Variants in ELAPOR1 observed in about 807,000 individuals in gnomAD.
ELAPOR1 encodes the protein endosome-lysosome associated apoptosis and autophagy regulator 1, also known as endosome/lysosome-associated apoptosis and autophagy regulator 1.
Under a neutral mutation model 119.7 loss-of-function variants are expected in ELAPOR1, and 77 were observed. The observed-to-expected ratio is 0.64, with a 90% CI of 0.54 to 0.78. ELAPOR1 has a LOEUF of 0.78. ELAPOR1 is among the 30% of genes least tolerant of loss of function. The probability of loss-of-function intolerance (pLI) is 0.00; values close to 1 mark genes in which losing one functional copy is unlikely to be tolerated. For synonymous variants in ELAPOR1, 481 were observed against 487.2 expected, an observed-to-expected ratio of 0.99 and a Z score of 0.17; for missense variants, 1,115 against 1,270.4, an observed-to-expected ratio of 0.88 and a Z score of 1.86.
intron 7 of ELAPOR1, among the ~76,000 whole-genome samples, chr1:109,183,206 G>A (rs1432136555): frequency 1.3e-5 from 2 of 151,910 alleles, no homozygotes; most frequent in East Asian, 3.9e-4. Context: ...TAAAGAGAGA[G>A]TCAAGCACAA....
intron 1 of ELAPOR1, among the ~76,000 whole-genome samples, chr1:109,149,847 G>T (rs561854771): frequency 6.6e-6 from 1 of 152,204 alleles, no homozygotes; most frequent in African/African-American, 2.4e-5. Flanking sequence ...TGAGAGGGGG[G>T]AGCCAATTGC....
chr1:109,192,808 G>A lies in ELAPOR1; in HGVS notation c.1881G>A (p.Leu627=), dbSNP rs1238797154. 1 of 1,614,064 alleles carries A rather than the reference G, an allele frequency of 6.2e-7. No homozygotes were observed. The highest frequency in any genetic ancestry group is 8.5e-7 in the Non-Finnish European group (1 of 1,180,022). The part of the protein sequence containing the change: ...TCHSCPTNTI[L]KAHQPYGVQA... ...ACTCCTGCCCCACTAACACAATTCT[G>A]AAAGCCCACCAGCCTTATGGTGTCC... Residue 627 remains leucine, a synonymous_variant, in exon 14 of 22, where the codon CTG becomes CTA. Coordinates refer to ENST00000369939, the MANE Select transcript of ELAPOR1 (RefSeq NM_020775.5).
At chr1:109,156,202 A>C (rs560286101) in intron 1 of ELAPOR1, among the ~76,000 whole-genome samples, 1 of 152,126 alleles carries the variant, frequency 6.6e-6, no homozygotes, top group Admixed American at 6.5e-5. Flanking sequence ...GATATTTCTC[A>C]AATTTAGACT....
intron 8 of ELAPOR1, among the ~76,000 whole-genome samples, chr1:109,185,842 G>T (rs993381321): frequency 2.6e-5 from 4 of 152,152 alleles, no homozygotes; most frequent in African/African-American, 7.2e-5. Context: ...TGGGGTGGGG[G>T]CAGCAGAGAA....
chr1:109,201,219 CT>C, intron 21 of ELAPOR1: 6 of 472,274 alleles, frequency 1.3e-5, no homozygotes, highest in Non-Finnish European at 1.6e-5. Context: ...TCCCCTACTC[CT>C]TTTTTTATTT....
In ELAPOR1 at chr1:109,173,765, C is replaced by A. The variant is rs140343221; in HGVS notation, c.880C>A (p.Leu294Ile). ...ADKQGSSFCK[L>I]CPANSYSNKG... ...CAAGCAGGGCTCCTCTTTCTGCAAACTTTGCCCAGCCAACTCTTATTCAAA... is the reference window on the plus strand; with the variant it reads ...CAAGCAGGGCTCCTCTTTCTGCAAAATTTGCCCAGCCAACTCTTATTCAAA... Residue 294 changes from leucine to isoleucine, a missense_variant, in exon 7 of 22, where the codon CTT becomes ATT. Transcript: ENST00000369939. 1 of 1,614,178 alleles carries A rather than the reference C, an allele frequency of 6.2e-7. No individual in the cohort carries two copies. Among genetic ancestry groups the A allele is most frequent in the Non-Finnish European group, 8.5e-7 (1 of 1,180,028 alleles).
At position 109,172,528 on chromosome 1, in the gene ELAPOR1, G is replaced by C. The variant is rs779424292; in HGVS notation, c.656G>C (p.Arg219Thr). The C allele has an allele frequency of 2.5e-6, 4 of 1,613,740 alleles. No homozygotes were observed. Among genetic ancestry groups the C allele is most frequent in the Non-Finnish European group, 3.4e-6 (4 of 1,179,840 alleles). The stretch of plus-strand genomic sequence containing the variant: ...TGCCAGCCCAATGCAGATGACTCCA[G>C]GTGGATGAAGACCACAGAGAAAGGA... ...DQCQPNADDS[R>T]WMKTTEKGWE... Residue 219 changes from arginine to threonine, a missense_variant, in exon 5 of 22, where the codon AGG becomes ACG. Coordinates refer to ENST00000369939, the MANE Select transcript of ELAPOR1 (RefSeq NM_020775.5).
intron 14 of ELAPOR1, among the ~76,000 whole-genome samples, chr1:109,194,205 T>C (rs1011932944): frequency 1.3e-5 from 2 of 152,178 alleles, no homozygotes; most frequent in Admixed American, 1.3e-4. Context: ...CAGATTTAGG[T>C]TTGTCCATCA....
rs1260039973 is a variant in ELAPOR1 at position 109,200,124 on chromosome 1, A to G, written c.2694A>G (p.Arg898=). The G allele has an allele frequency of 3.7e-6, 6 of 1,614,104 alleles. No homozygotes were observed. The African/African-American group carries it at 6.7e-5, about 18-fold the overall frequency. The part of the protein sequence containing the change: ...CSGGISLPEQ[R]VTICKTIDFW... Reference sequence around the variant, plus strand: ...GTGGCATTTCTCTGCCTGAGCAGAGAGTCACCATCTGCAAAACCATAGATT... The same window carrying G: ...GTGGCATTTCTCTGCCTGAGCAGAGGGTCACCATCTGCAAAACCATAGATT... Residue 898 remains arginine (R), a synonymous_variant, in exon 20 of 22, where the codon AGA becomes AGG. Coordinates refer to ENST00000369939, the MANE Select transcript of ELAPOR1 (RefSeq NM_020775.5).
chr1:109,120,686 ACT>A (rs1648350298), intron 1 of ELAPOR1, among the ~76,000 whole-genome samples: 1 of 150,462 alleles, frequency 6.6e-6, no homozygotes, highest in Non-Finnish European at 1.5e-5. Context: ...CTGTGGGGAC[ACT>A]CTCTCTTCAC....
chr1:109,200,681 C>A, intron 20 of ELAPOR1, 54 bp from the exon 21 acceptor site: 1 of 1,556,498 alleles, frequency 6.4e-7, no homozygotes, highest in East Asian at 2.2e-5. Flanking sequence ...CTACCTCTTT[C>A]CCCCTTATTC....
rs1310086597 is a variant in ELAPOR1 at position 109,204,400 on chromosome 1, G to A, written c.*1388G>A. The A allele has an allele frequency of 6.6e-6, 1 of 152,162 alleles. No individual in the cohort carries two copies. Among genetic ancestry groups the A allele is most frequent in the Non-Finnish European group, 1.5e-5 (1 of 68,052 alleles). 9.4% of individuals were successfully genotyped at this position (152,162 alleles called of 1,614,324 possible). A position where few individuals can be genotyped will look rare whatever the true frequency, so the allele number is the denominator to read the frequency against. On this transcript the variant is annotated 3_prime_UTR_variant, in exon 22 of 22. Transcript: ENST00000369939. ...CACTCTATGACACTGAAAAGAACCA[G>A]GTAAGCCCCAAACCCAGATGTTCCA...
intron 7 of ELAPOR1, among the ~76,000 whole-genome samples, chr1:109,178,738 GT>G (rs1296186420): frequency 6.6e-6 from 1 of 152,100 alleles, no homozygotes; most frequent in Non-Finnish European, 1.5e-5. Flanking sequence ...GCCGAGGTGG[GT>G]GGATCACCTG....
chr1:109,201,903 C>T (rs936339387), intron 21 of ELAPOR1, among the ~76,000 whole-genome samples: 1 of 151,992 alleles, frequency 6.6e-6, no homozygotes, highest in South Asian at 2.1e-4. Flanking sequence ...AGTTCAAGAT[C>T]AGCCTAGACA....
intron 1 of ELAPOR1, among the ~76,000 whole-genome samples, chr1:109,140,546 C>T (rs140123251): frequency 5.9e-5 from 9 of 152,226 alleles, no homozygotes; most frequent in East Asian, 5.8e-4. Context: ...GAGCAAAGCA[C>T]GGGAAACCAG....
chr1:109,160,011 A>G (rs1651147845), intron 1 of ELAPOR1, among the ~76,000 whole-genome samples: 1 of 152,208 alleles, frequency 6.6e-6, no homozygotes, highest in African/African-American at 2.4e-5. Context: ...TCAGAGTCTG[A>G]GATGAGGAAA....
chr1:109,178,448 ACT>A (rs1652486671), intron 7 of ELAPOR1, among the ~76,000 whole-genome samples: 1 of 152,120 alleles, frequency 6.6e-6, no homozygotes, highest in African/African-American at 2.4e-5. Context: ...TTGCAGGGAG[ACT>A]CTGATGATAG....
intron 1 of ELAPOR1, among the ~76,000 whole-genome samples, chr1:109,126,326 A>C (rs1478487724): frequency 6.6e-6 from 1 of 152,208 alleles, no homozygotes; most frequent in Non-Finnish European, 1.5e-5. Context: ...CACTTGTAAA[A>C]TAAAAAAGTG....
Position 109,200,894 on chromosome 1 carries a change from C to T in ELAPOR1, c.2967C>T (p.Thr989=). 1.2e-6 allele frequency: 2 copies of T among 1,613,654 alleles called. No homozygotes were observed. Among genetic ancestry groups the T allele is most frequent in the Non-Finnish European group, 1.7e-6 (2 of 1,179,734 alleles). The change falls in exon 21 of 22, where the codon ACC becomes ACT. Residue 989 remains threonine, a synonymous_variant. Coordinates refer to ENST00000369939, the MANE Select transcript of ELAPOR1 (RefSeq NM_020775.5). ...KSLFGKIKSF[T]SKRTPDGFDS... ...TCTTTGGGAAGATCAAATCATTTAC[C>T]TCCAAGGTAGGGGTCCTGGCCAGTG...
Sources: allele counts gnomAD v4.1 joint callset (sites outside exome capture counted in the v4.1 genomes callset), GRCh38; gene constraint gnomAD v4.1.1; transcripts MANE v1.5; gene names NCBI Gene and HGNC (gene_info 2026-07-23, HGNC 2026-07-21).